Variants in TNFSF4 observed in about 807,000 individuals in gnomAD.
TNFSF4 encodes the protein TNF superfamily member 4, also known as tumor necrosis factor ligand superfamily member 4.
Under a neutral mutation model 7.3 loss-of-function variants are expected in TNFSF4, and 4 were observed. The observed-to-expected ratio is 0.55, with a 90% CI of 0.27 to 1.25. The LOEUF is 1.25. TNFSF4 is among the 50% of genes most tolerant of loss of function. The pLI is 0.12. For missense variants in TNFSF4, 181 were observed against 208.8 expected (o/e 0.87, Z 0.82); for synonymous variants, 76 against 83.7 (o/e 0.91, Z 0.50).
the TNFSF4 span, among the ~76,000 whole-genome samples, chr1:173,229,047 A>C: frequency 6.6e-6 from 1 of 152,236 alleles, no homozygotes; most frequent in South Asian, 2.1e-4. Context: ...CTAGCAAGGC[A>C]GACCAACAAT....
At chr1:173,346,818 C>T in the TNFSF4 span, among the ~76,000 whole-genome samples, 1 of 152,152 alleles carries the variant, frequency 6.6e-6, no homozygotes, top group South Asian at 2.1e-4. Flanking sequence ...ATTGAATAAT[C>T]ATTAAACCAG....
At chr1:173,388,889 TA>T in the TNFSF4 span, among the ~76,000 whole-genome samples, 4 of 152,156 alleles carry the variant, frequency 2.6e-5, no homozygotes. Flanking sequence ...TCTTAAGAGT[TA>T]AAGGAGCCCA....
the TNFSF4 span, among the ~76,000 whole-genome samples, chr1:173,373,500 G>A: frequency 1.3e-5 from 2 of 152,194 alleles, no homozygotes; most frequent in African/African-American, 4.8e-5. Flanking sequence ...CATACCCCAA[G>A]CCAGCCAGTG....
chr1:173,439,274 G>C, the TNFSF4 span, among the ~76,000 whole-genome samples: 1 of 152,188 alleles, frequency 6.6e-6, no homozygotes, highest in African/African-American at 2.4e-5. Flanking sequence ...AGAACTCCTC[G>C]CTCCAATTAT....
At chr1:173,374,862 A>G in the TNFSF4 span, among the ~76,000 whole-genome samples, 3 of 152,212 alleles carry the variant, frequency 2.0e-5, no homozygotes, top group Non-Finnish European at 4.4e-5. Flanking sequence ...TTATAGGGTT[A>G]GGAATAACCA....
chr1:173,426,255 T>A, the TNFSF4 span, among the ~76,000 whole-genome samples: 1 of 152,134 alleles, frequency 6.6e-6, no homozygotes, highest in Non-Finnish European at 1.5e-5. Context: ...TATGGAAACT[T>A]CAGAAAAAGT....
At chr1:173,281,447 C>T in the TNFSF4 span, among the ~76,000 whole-genome samples, 1 of 152,116 alleles carries the variant, frequency 6.6e-6, no homozygotes, top group African/African-American at 2.4e-5. Context: ...ACATGGGAAT[C>T]AGGCAGAGTG....
At chr1:173,243,017 G>GGGA in the TNFSF4 span, among the ~76,000 whole-genome samples, 1 of 106,954 alleles carries the variant, frequency 9.3e-6, no homozygotes, top group Non-Finnish European at 2.0e-5. Flanking sequence ...GGGGGGGGGG[G>GGGA]GAGCACAAAA....
chr1:173,201,096 G>A (rs1192582348), intron 1 of TNFSF4, among the ~76,000 whole-genome samples: 1 of 152,210 alleles, frequency 6.6e-6, no homozygotes, highest in African/African-American at 2.4e-5. Context: ...TGGTAGCCAA[G>A]TCATTGGAGA....
chr1:173,271,358 T>C, the TNFSF4 span, among the ~76,000 whole-genome samples: 1 of 152,160 alleles, frequency 6.6e-6, no homozygotes, highest in Non-Finnish European at 1.5e-5. Context: ...TTCAGCTTTC[T>C]ACATATGGCT....
chr1:173,287,351 A>C, the TNFSF4 span, among the ~76,000 whole-genome samples: 1 of 152,152 alleles, frequency 6.6e-6, no homozygotes, highest in Admixed American at 6.6e-5. Context: ...AAAATAAATA[A>C]TTTTTAAAAA....
At chr1:173,448,815 G>A in the TNFSF4 span, among the ~76,000 whole-genome samples, 50 of 152,348 alleles carry the variant, frequency 3.3e-4, no homozygotes, top group Admixed American at 2.1e-3. Flanking sequence ...GGGCGTATAA[G>A]TGCAAGTCAC....
chr1:173,352,376 C>T, the TNFSF4 span, among the ~76,000 whole-genome samples: 10 of 152,244 alleles, frequency 6.6e-5, no homozygotes, highest in East Asian at 7.7e-4. Flanking sequence ...TTTCAACGTA[C>T]GTTATTTTCT....
the TNFSF4 span, among the ~76,000 whole-genome samples, chr1:173,254,316 G>A: frequency 6.6e-6 from 1 of 152,136 alleles, no homozygotes; most frequent in African/African-American, 2.4e-5. Context: ...GGCATACAGT[G>A]GGTTTTGTAA....
chr1:173,190,655 T>C (rs1439097024), intron 1 of TNFSF4, among the ~76,000 whole-genome samples: 1 of 152,242 alleles, frequency 6.6e-6, no homozygotes, highest in African/African-American at 2.4e-5. Flanking sequence ...GGCAATGCTC[T>C]GGAAGAAAAC....
intron 1 of TNFSF4, among the ~76,000 whole-genome samples, chr1:173,206,101 T>G (rs1389396259): frequency 6.6e-6 from 1 of 152,186 alleles, no homozygotes; most frequent in Non-Finnish European, 1.5e-5. Context: ...TCAGTTTGTA[T>G]TACCTGAACT....
At chr1:173,334,714 TG>T in the TNFSF4 span, among the ~76,000 whole-genome samples, 2 of 152,250 alleles carry the variant, frequency 1.3e-5, no homozygotes, top group Middle Eastern at 6.8e-3. Context: ...TCTTTGCCGG[TG>T]GAAGAGGTAT....
chr1:173,215,803 A>C, the TNFSF4 span, among the ~76,000 whole-genome samples: 2 of 152,106 alleles, frequency 1.3e-5, no homozygotes, highest in Admixed American at 6.5e-5. Context: ...CCTCAATGGG[A>C]TTTACCTCTT....
the TNFSF4 span, among the ~76,000 whole-genome samples, chr1:173,433,806 G>T: frequency 6.6e-6 from 1 of 152,178 alleles, no homozygotes; most frequent in Non-Finnish European, 1.5e-5. Flanking sequence ...ATACATTGAA[G>T]TCCTATCTCC....
Sources: allele counts gnomAD v4.1 joint callset (sites outside exome capture counted in the v4.1 genomes callset), GRCh38; gene constraint gnomAD v4.1.1; transcripts MANE v1.5; gene names NCBI Gene and HGNC (gene_info 2026-07-23, HGNC 2026-07-21).